Variants in CNTNAP2 observed in about 807,000 individuals in gnomAD.
The protein encoded by CNTNAP2 is contactin-associated protein-like 2.
In CNTNAP2, 98 loss-of-function variants were observed where a neutral mutation model predicts 155.2. That is an observed-to-expected ratio of 0.63 (90% CI 0.54 to 0.75). CNTNAP2 has a LOEUF of 0.75. CNTNAP2 is among the 30% of genes least tolerant of loss of function. CNTNAP2 has a pLI of 0.00. For synonymous variants in CNTNAP2, 651 were observed against 631.2 expected, an observed-to-expected ratio of 1.03 and a Z score of -0.47; for missense variants, 1,727 against 1,688.1, an observed-to-expected ratio of 1.02 and a Z score of -0.40.
chr7:146,976,030 G>A (rs1797904024), intron 3 of CNTNAP2, among the ~76,000 whole-genome samples: 1 of 152,068 alleles, frequency 6.6e-6, no homozygotes, highest in Non-Finnish European at 1.5e-5. Context: ...GCATCATTGT[G>A]GACACAACCA....
chr7:147,539,843 A>G (rs756334416), intron 11 of CNTNAP2, among the ~76,000 whole-genome samples: 3 of 152,204 alleles, frequency 2.0e-5, no homozygotes, highest in Admixed American at 6.5e-5. Flanking sequence ...AAATGAGGAT[A>G]CTGACTTCTA....
chr7:147,895,114 C>T (rs1439658384), intron 13 of CNTNAP2, among the ~76,000 whole-genome samples: 4 of 151,548 alleles, frequency 2.6e-5, no homozygotes, highest in Non-Finnish European at 5.9e-5. Flanking sequence ...GCTGGGATTA[C>T]AGGTGCACAC....
At chr7:147,745,016 A>T (rs75043079) in intron 13 of CNTNAP2, among the ~76,000 whole-genome samples, 32,271 of 152,004 alleles carry the variant, frequency 0.21, 3,605 homozygotes, top group Middle Eastern at 0.39. Context: ...GTGAACCATA[A>T]CCTACATAAG....
intron 1 of CNTNAP2, among the ~76,000 whole-genome samples, chr7:146,247,210 C>T (rs559426635): frequency 1.8e-4 from 27 of 152,244 alleles, no homozygotes; most frequent in African/African-American, 3.6e-4. Context: ...AGAGCCTAAA[C>T]GCACACTGAT....
At chr7:147,760,246 A>G (rs868321684) in intron 13 of CNTNAP2, among the ~76,000 whole-genome samples, 2 of 127,682 alleles carry the variant, frequency 1.6e-5, no homozygotes, top group Admixed American at 7.5e-5. Flanking sequence ...GCTTCACGGG[A>G]AAAAAAAAAA....
At chr7:146,648,037 A>G (rs1008260504) in intron 1 of CNTNAP2, among the ~76,000 whole-genome samples, 2 of 152,060 alleles carry the variant, frequency 1.3e-5, no homozygotes, top group Non-Finnish European at 2.9e-5. Flanking sequence ...GGCTATAGTC[A>G]TTTCCTCACC....
chr7:146,156,504 T>G (rs1003271629), intron 1 of CNTNAP2, among the ~76,000 whole-genome samples: 2 of 152,236 alleles, frequency 1.3e-5, no homozygotes, highest in Admixed American at 6.5e-5. Context: ...CTTTCGCCTA[T>G]GCTAAACTTA....
chr7:146,644,142 A>T (rs1210935843), intron 1 of CNTNAP2, among the ~76,000 whole-genome samples: 1 of 152,172 alleles, frequency 6.6e-6, no homozygotes, highest in Non-Finnish European at 1.5e-5. Flanking sequence ...TCCTAATTGA[A>T]TACCCTTTAT....
At chr7:147,583,958 G>A (rs991556055) in intron 12 of CNTNAP2, among the ~76,000 whole-genome samples, 2 of 152,012 alleles carry the variant, frequency 1.3e-5, no homozygotes, top group Non-Finnish European at 2.9e-5. Flanking sequence ...TTGAAGAATA[G>A]GCCTCAGTGC....
intron 4 of CNTNAP2, among the ~76,000 whole-genome samples, chr7:147,095,795 A>T (rs1334088409): frequency 6.6e-6 from 1 of 152,126 alleles, no homozygotes; most frequent in African/African-American, 2.4e-5. Context: ...GTTGTTATTA[A>T]CAACACTTGA....
intron 1 of CNTNAP2, among the ~76,000 whole-genome samples, chr7:146,137,845 T>A: frequency 6.6e-6 from 1 of 152,014 alleles, no homozygotes; most frequent in East Asian, 1.9e-4. Context: ...CAAAAGGTTT[T>A]TATTTTAAAA....
intron 1 of CNTNAP2, among the ~76,000 whole-genome samples, chr7:146,200,108 G>A (rs1320235746): frequency 6.6e-6 from 1 of 152,146 alleles, no homozygotes; most frequent in Non-Finnish European, 1.5e-5. Flanking sequence ...TCCAAGACTA[G>A]AGCCATTATA....
At chr7:147,624,884 A>G (rs1041912032) in intron 12 of CNTNAP2, among the ~76,000 whole-genome samples, 11 of 152,360 alleles carry the variant, frequency 7.2e-5, no homozygotes, top group African/African-American at 2.6e-4. Context: ...GAGTGGATAA[A>G]GAAAATGTGG....
At chr7:147,033,160 GTATATATATATATATATATA>G (rs3081742) in intron 3 of CNTNAP2, among the ~76,000 whole-genome samples, 23,448 of 90,934 alleles carry the variant, frequency 0.26, 2,568 homozygotes, top group South Asian at 0.36. Flanking sequence ...ATATATATAT[GTATATATATATATATATATA>G]TATATATATA....
At chr7:146,983,695 A>C (rs143568388) in intron 3 of CNTNAP2, among the ~76,000 whole-genome samples, 1 of 152,168 alleles carries the variant, frequency 6.6e-6, no homozygotes. Flanking sequence ...AGTGTGCTGC[A>C]TTCTCCTGTC....
At chr7:147,694,549 A>G (rs1796135213) in intron 13 of CNTNAP2, among the ~76,000 whole-genome samples, 1 of 152,108 alleles carries the variant, frequency 6.6e-6, no homozygotes, top group South Asian at 2.1e-4. Flanking sequence ...CAGATTGTCA[A>G]TTTATTCTCA....
At chr7:147,096,533 T>C (rs1294336728) in intron 4 of CNTNAP2, among the ~76,000 whole-genome samples, 1 of 152,218 alleles carries the variant, frequency 6.6e-6, no homozygotes, top group Non-Finnish European at 1.5e-5. Context: ...CTTGGTCATA[T>C]TGCTATCAAA....
chr7:148,285,994 A>G (rs1797075107), intron 21 of CNTNAP2, among the ~76,000 whole-genome samples: 1 of 152,212 alleles, frequency 6.6e-6, no homozygotes, highest in African/African-American at 2.4e-5. Flanking sequence ...CTTATAATAA[A>G]TTAAGCTAGA....
At chr7:147,969,063 CCTT>C (rs1409874900) in intron 14 of CNTNAP2, among the ~76,000 whole-genome samples, 1 of 152,126 alleles carries the variant, frequency 6.6e-6, no homozygotes, top group East Asian at 1.9e-4. Context: ...AAACTGGTCT[CCTT>C]CTCTCTTTTT....
Sources: gnomAD v4.1 joint callset for allele counts (sites outside exome capture counted in the v4.1 genomes callset) on GRCh38, gnomAD v4.1.1 for gene constraint, MANE v1.5 for transcripts, NCBI Gene and HGNC (gene_info 2026-07-23, HGNC 2026-07-21) for gene names.